The following HECW1 variants were observed in gnomAD, a reference collection of about 807,000 sequenced individuals.
HECW1 encodes E3 ubiquitin-protein ligase HECW1.
HECW1 carries 61 observed loss-of-function variants against 182.3 expected under a neutral mutation model. The ratio of observed to expected loss-of-function variants is 0.33; its 90% CI spans 0.27 to 0.41. HECW1 has a LOEUF of 0.41. Ranked by LOEUF, HECW1 falls within the 10% of genes least tolerant of loss-of-function variation. The pLI is 1.00. For missense variants in HECW1, 1,739 were observed against 2,108.9 expected, an observed-to-expected ratio of 0.82 and a Z score of 3.44; for synonymous variants, 859 against 832.6, an observed-to-expected ratio of 1.03 and a Z score of -0.55.
chr7:43,564,000 A>G lies in HECW1; in HGVS notation c.*2074A>G, dbSNP rs17803739. 0.22 allele frequency: 42,064 copies of G among 188,568 alleles called. 5,639 individuals carry two copies. Among genetic ancestry groups the G allele is most frequent in the East Asian group, 0.36 (4,301 of 11,790 alleles). 11.7% of individuals were successfully genotyped at this position (188,568 alleles called of 1,614,324 possible). A position where few individuals can be genotyped will look rare whatever the true frequency, so the allele number is the denominator to read the frequency against. ...TAGAAATTTAGACTTTTATTGTCTA[A>G]AAAGAATATTTACTGAGACAGGATG... On this transcript the variant is annotated 3_prime_UTR_variant, in exon 30 of 30. Transcript: ENST00000395891.
At chr7:43,291,613 A>G (rs780430219) in intron 3 of HECW1, among the ~76,000 whole-genome samples, 3 of 152,252 alleles carry the variant, frequency 2.0e-5, no homozygotes, top group Non-Finnish European at 4.4e-5. Context: ...AAAAGAAACT[A>G]CTATTTCTAA....
At position 43,407,559 on chromosome 7, in the gene HECW1, T is replaced by C. The variant is rs1584796043; in HGVS notation, c.632-3T>C. On this transcript the variant is annotated splice_region_variant and splice_polypyrimidine_tract_variant and intron_variant, in intron 7 of 29. Coordinates refer to ENST00000395891, the MANE Select transcript of HECW1 (RefSeq NM_015052.5). Reference sequence around the variant, plus strand: ...TTAAATTAAAGTATCCTTTATTTTATAGATTTCCAAGCCATGGGGTTGAAG... The same window carrying C: ...TTAAATTAAAGTATCCTTTATTTTACAGATTTCCAAGCCATGGGGTTGAAG... 1 of 1,606,528 alleles carries C rather than the reference T, an allele frequency of 6.2e-7. No homozygotes were observed. The highest frequency in any genetic ancestry group is 8.5e-7 in the Non-Finnish European group (1 of 1,175,084).
rs1378392109 is a variant in HECW1, at chr7:43,217,865, G to C, written c.-31-26010G>C. Among the ~76,000 whole-genome samples, 4 of 152,142 alleles carry C rather than the reference G, an allele frequency of 2.6e-5. No homozygotes were observed. In the East Asian group the frequency reaches 7.7e-4, roughly 29 times the overall value. On this transcript the variant is annotated intron_variant, in intron 2 of 29. Coordinates refer to ENST00000395891, the MANE Select transcript of HECW1 (RefSeq NM_015052.5). ...GCATCTAATTAATTAGCTCCTTTTGGTGCCATGTCCATCTCTGGCCCAAGA... is the reference window on the plus strand; with the variant it reads ...GCATCTAATTAATTAGCTCCTTTTGCTGCCATGTCCATCTCTGGCCCAAGA...
intron 6 of HECW1, among the ~76,000 whole-genome samples, chr7:43,392,605 C>A (rs1265810759): frequency 1.3e-5 from 2 of 152,198 alleles, no homozygotes; most frequent in Non-Finnish European, 2.9e-5. Flanking sequence ...CTGCTTACCT[C>A]TGGGAACAGA....
intron 24 of HECW1, among the ~76,000 whole-genome samples, chr7:43,522,035 G>A (rs1243210642): frequency 2.0e-5 from 3 of 152,178 alleles, no homozygotes; most frequent in Non-Finnish European, 4.4e-5. Flanking sequence ...GATACCGCAA[G>A]GTGTCCATCT....
At chr7:43,275,994 G>A (rs1443362847) in intron 3 of HECW1, among the ~76,000 whole-genome samples, 1 of 152,166 alleles carries the variant, frequency 6.6e-6, no homozygotes, top group African/African-American at 2.4e-5. Flanking sequence ...ACTTGTACTG[G>A]AAGACAGAGG....
Position 43,433,932 on chromosome 7 carries a change from G to T in HECW1, c.802-4071G>T, listed in dbSNP as rs75799602. Among the ~76,000 whole-genome samples, 39 of 152,264 alleles carry T rather than the reference G, an allele frequency of 2.6e-4. No individual in the cohort carries two copies. In the East Asian group the frequency reaches 7.1e-3, roughly 28 times the overall value. On this transcript the variant is annotated intron_variant, in intron 8 of 29. Transcript: ENST00000395891. ...ACATCAGACCCCCAAGGATGCCCAG[G>T]ATTGGCTTTGTCATTTCCACACTGG...
At chr7:43,463,625 A>C (rs758075427) in intron 13 of HECW1, 35 bp from the exon 14 acceptor site, 2 of 1,598,356 alleles carry the variant, frequency 1.3e-6, no homozygotes, top group Non-Finnish European at 1.7e-6. Context: ...AGCAAACCAA[A>C]GTTAACTCCT....
chr7:43,550,843 G>C (rs537195673), intron 27 of HECW1, among the ~76,000 whole-genome samples: 13 of 152,336 alleles, frequency 8.5e-5, no homozygotes, highest in African/African-American at 2.9e-4. Flanking sequence ...CAAGCAACTG[G>C]CATGTGACCC....
At chr7:43,331,179 C>G (rs1811432848) in intron 5 of HECW1, among the ~76,000 whole-genome samples, 1 of 151,930 alleles carries the variant, frequency 6.6e-6, no homozygotes, top group African/African-American at 2.4e-5. Context: ...TGTTCCCCAC[C>G]CTGTGTCCAA....
At chr7:43,450,790 G>A (rs1167722451) in intron 11 of HECW1, 38 bp from the exon 12 acceptor site, 1 of 1,300,070 alleles carries the variant, frequency 7.7e-7, no homozygotes, top group Non-Finnish European at 1.1e-6. Context: ...TGCCACGGCA[G>A]TGAATGAATC....
chr7:43,452,213 C>T (rs559307361), intron 12 of HECW1, among the ~76,000 whole-genome samples: 3 of 152,312 alleles, frequency 2.0e-5, no homozygotes, highest in South Asian at 4.1e-4. Context: ...TCCTAGGTAA[C>T]ATTTATTTGA....
rs529523123 is a variant in HECW1, at chr7:43,354,167, T to C, written c.461-6719T>C. ...CAACAGGTAAATTACAAAGAATCTCTACACAAACATATCCAATAATAAAAA... is the reference window on the plus strand; with the variant it reads ...CAACAGGTAAATTACAAAGAATCTCCACACAAACATATCCAATAATAAAAA... On this transcript the variant is annotated intron_variant, in intron 5 of 29. Coordinates refer to ENST00000395891, the MANE Select transcript of HECW1 (RefSeq NM_015052.5). Among the ~76,000 whole-genome samples, 312 of 145,008 alleles carry C rather than the reference T, an allele frequency of 2.2e-3. 1 individual carries two copies. The highest frequency in any genetic ancestry group is 7.6e-3 in the African/African-American group (296 of 39,122).
At chr7:43,421,278 A>G (rs79542022) in intron 8 of HECW1, among the ~76,000 whole-genome samples, 176 of 152,346 alleles carry the variant, frequency 1.2e-3, no homozygotes, top group African/African-American at 4.1e-3. Context: ...CACAACATAC[A>G]CAGTCTATTC....
At chr7:43,168,460 C>A (rs1248229022) in intron 2 of HECW1, among the ~76,000 whole-genome samples, 1 of 152,044 alleles carries the variant, frequency 6.6e-6, no homozygotes, top group Non-Finnish European at 1.5e-5. Context: ...GAGTTTGAGA[C>A]CAACCTGGGC....
At chr7:43,231,025 T>C (rs1175973437) in intron 2 of HECW1, among the ~76,000 whole-genome samples, 1 of 152,226 alleles carries the variant, frequency 6.6e-6, no homozygotes, top group Non-Finnish European at 1.5e-5. Context: ...AGGGAATAGA[T>C]GCTATGTGTC....
At chr7:43,430,037 C>G (rs191447417) in intron 8 of HECW1, among the ~76,000 whole-genome samples, 4 of 152,350 alleles carry the variant, frequency 2.6e-5, no homozygotes, top group Admixed American at 1.3e-4. Flanking sequence ...CAACCCAAAT[C>G]AAATTAACTT....
At chr7:43,306,081 G>A (rs1041754412) in intron 3 of HECW1, among the ~76,000 whole-genome samples, 14 of 152,082 alleles carry the variant, frequency 9.2e-5, no homozygotes, top group Non-Finnish European at 2.1e-4. Flanking sequence ...ATTTGTAGTA[G>A]AGACGAGGTT....
At chr7:43,162,781 T>A (rs373241600) in intron 2 of HECW1, 1 of 152,212 alleles carries the variant, frequency 6.6e-6, no homozygotes, top group East Asian at 1.9e-4. Context: ...ACTACTGTAA[T>A]AATAACATTG....
Sources: gnomAD v4.1 joint callset for allele counts (sites outside exome capture counted in the v4.1 genomes callset) on GRCh38, gnomAD v4.1.1 for gene constraint, MANE v1.5 for transcripts, NCBI Gene and HGNC (gene_info 2026-07-23, HGNC 2026-07-21) for gene names.